The following PCDHA1 variants were observed in gnomAD, a reference collection of about 807,000 sequenced individuals.
PCDHA1 encodes the protein protocadherin alpha 1, also known as protocadherin alpha-1.
PCDHA1 carries 42 observed loss-of-function variants against 61.3 expected under a neutral mutation model. The observed-to-expected ratio is 0.69, with a 90% CI of 0.54 to 0.89. The LOEUF is 0.89. Ranked by LOEUF, PCDHA1 falls within the 40% of genes least tolerant of loss-of-function variation. The probability of loss-of-function intolerance (pLI) is 0.00; values close to 1 mark genes in which losing one functional copy is unlikely to be tolerated. For missense variants in PCDHA1, 1,256 were observed against 1,235.3 expected (o/e 1.02, Z -0.25); for synonymous variants, 610 against 553.8 (o/e 1.10, Z -1.43).
rs2045560608 is a variant in PCDHA1 at position 140,858,685 on chromosome 5, T to G, written c.2394+70001T>G. The G allele has an allele frequency of 1.3e-5, 8 of 595,874 alleles. No homozygotes were observed. The South Asian group carries it at 1.9e-4, about 14-fold the overall frequency. 36.9% of individuals were successfully genotyped at this position (595,874 alleles called of 1,614,324 possible). On this transcript the variant is annotated intron_variant, in intron 1 of 3. Transcript: ENST00000504120. ...TAACAATTTATTCTGAATACACTAA[T>G]ATTTTCCAATACAAATATGTGATAT... is the stretch of plus-strand genomic sequence containing the variant.
At chr5:140,841,238 G>A in intron 1 of PCDHA1, 8 of 1,482,530 alleles carry the variant, frequency 5.4e-6, no homozygotes, top group Non-Finnish European at 7.2e-6. Flanking sequence ...GAGATGCAGC[G>A]GAATTGGATT....
rs782747774 is a variant in PCDHA1, at chr5:140,788,332, G to A, written c.2042G>A (p.Arg681Gln). 3 of 1,613,934 alleles carry A rather than the reference G, an allele frequency of 1.9e-6. No homozygotes were observed. The highest frequency in any genetic ancestry group is 2.5e-6 in the Non-Finnish European group (3 of 1,179,940). The change falls in exon 1 of 4, where the codon CGG becomes CAG. Residue 681 changes from arginine (R) to glutamine (Q), a missense_variant. Coordinates refer to ENST00000504120, the MANE Select transcript of PCDHA1 (RefSeq NM_018900.4). Reference protein sequence around the residue: ...ESGQAPKASSRASVGVAGPEA... With the variant: ...ESGQAPKASSQASVGVAGPEA... ...GGCCAGGCGCCAAAGGCGTCTTCGC[G>A]GGCGTCGGTGGGTGTCGCGGGCCCA...
intron 1 of PCDHA1, among the ~76,000 whole-genome samples, chr5:140,800,139 T>C (rs1762512877): frequency 1.3e-5 from 2 of 152,168 alleles, no homozygotes; most frequent in Admixed American, 1.3e-4. Flanking sequence ...GTTAACATTT[T>C]AGTATATACA....
In PCDHA1 at chr5:140,787,228, C is replaced by CA. The variant is rs1475562745; in HGVS notation, c.942dup (p.Ser315IlefsTer10). 1 of 1,614,010 alleles carries CA rather than the reference C, an allele frequency of 6.2e-7. No individual in the cohort carries two copies. The highest frequency in any genetic ancestry group is 8.5e-7 in the Non-Finnish European group (1 of 1,180,024). Reference sequence around the variant, plus strand: ...ATTGATAAACTGGATTATGAAGAAACAAAATCCTACGAAATTCAAGTAAAG... The same window carrying CA: ...ATTGATAAACTGGATTATGAAGAAACAAAAATCCTACGAAATTCAAGTAAAG... On this transcript the variant is annotated frameshift_variant, in exon 1 of 4. Coordinates refer to ENST00000504120, the MANE Select transcript of PCDHA1 (RefSeq NM_018900.4). LOFTEE classifies it high-confidence loss of function.
intron 1 of PCDHA1, among the ~76,000 whole-genome samples, chr5:140,923,219 C>T (rs557006469): frequency 1.3e-5 from 2 of 152,094 alleles, no homozygotes; most frequent in East Asian, 1.9e-4. Context: ...GTGAAAGGAT[C>T]GTTTGAGCCC....
intron 1 of PCDHA1, chr5:140,837,006 G>A (rs1774868844): frequency 3.1e-6 from 1 of 317,894 alleles, no homozygotes; most frequent in African/African-American, 2.2e-5. Context: ...TGGAGCAATG[G>A]ATTCACCTTT....
At chr5:140,801,052 C>G in intron 1 of PCDHA1, 1 of 1,440,518 alleles carries the variant, frequency 6.9e-7, no homozygotes, top group Admixed American at 2.8e-5. Flanking sequence ...GAAATAACAG[C>G]GTGCATTACG....
At chr5:140,853,282 C>T in intron 1 of PCDHA1, 5 of 980,348 alleles carry the variant, frequency 5.1e-6, no homozygotes, top group Non-Finnish European at 6.1e-6. Flanking sequence ...TCATCATATG[C>T]AAATTCTCAG....
chr5:140,813,422 G>GTACTGAA (rs1317983583), intron 1 of PCDHA1: 2 of 152,166 alleles, frequency 1.3e-5, no homozygotes, highest in African/African-American at 4.8e-5. Flanking sequence ...TATGTTAACT[G>GTACTGAA]TACTGAATAC....
chr5:140,810,043 C>G (rs1483252615), intron 1 of PCDHA1: 1 of 154,640 alleles, frequency 6.5e-6, no homozygotes, highest in Non-Finnish European at 1.4e-5. Context: ...CCTTTTATAA[C>G]TGTTTGTTCG....
chr5:140,821,771 T>C (rs2150110539), intron 1 of PCDHA1: 390 of 1,602,920 alleles, frequency 2.4e-4, no homozygotes, highest in Non-Finnish European at 3.2e-4. Flanking sequence ...TGGAACGAGA[T>C]TGAGATGGTA....
chr5:140,893,111 T>G (rs2063826181), intron 1 of PCDHA1, among the ~76,000 whole-genome samples: 1 of 152,236 alleles, frequency 6.6e-6, no homozygotes, highest in Non-Finnish European at 1.5e-5. Flanking sequence ...TATTCCGTTG[T>G]GCATATACAC....
intron 1 of PCDHA1, among the ~76,000 whole-genome samples, chr5:140,919,753 T>C (rs1386045187): frequency 6.6e-6 from 1 of 152,212 alleles, no homozygotes; most frequent in Non-Finnish European, 1.5e-5. Flanking sequence ...ATTTCTCTTC[T>C]GCCTTTTGTA....
intron 1 of PCDHA1, chr5:140,858,303 G>A: frequency 6.3e-7 from 1 of 1,597,370 alleles, no homozygotes; most frequent in South Asian, 1.1e-5. Context: ...TCGCAGCAGA[G>A]GCGGCAGAGG....
At chr5:140,991,988 C>T (rs1167776981) in intron 3 of PCDHA1, among the ~76,000 whole-genome samples, 1 of 151,478 alleles carries the variant, frequency 6.6e-6, no homozygotes, top group Non-Finnish European at 1.5e-5. Flanking sequence ...GCCTACCACC[C>T]GGTCTTTCAT....
chr5:140,791,322 A>G (rs1172223354), intron 1 of PCDHA1, among the ~76,000 whole-genome samples: 4 of 152,342 alleles, frequency 2.6e-5, no homozygotes, highest in African/African-American at 7.2e-5. Context: ...CTCTTCTGCT[A>G]TCTTTTCCTG....
At chr5:140,959,567 T>A (rs2095496193) in intron 1 of PCDHA1, among the ~76,000 whole-genome samples, 1 of 152,208 alleles carries the variant, frequency 6.6e-6, no homozygotes, top group Non-Finnish European at 1.5e-5. Context: ...AGTACTAGAT[T>A]TTTTGTTTCA....
rs782525355 is a variant in PCDHA1 at position 140,786,737 on chromosome 5, T to C, written c.447T>C (p.Asn149=). 9 of 1,614,228 alleles carry C rather than the reference T, an allele frequency of 5.6e-6. No homozygotes were observed. Among genetic ancestry groups the C allele is most frequent in the Non-Finnish European group, 6.8e-6 (8 of 1,180,040 alleles). ...TTATTCCTGAATCTAGACTCCTGAA[T>C]TCGCGTTTTCCGATAGAAGGAGCTG... ...IIFIPESRLL[N]SRFPIEGAAD... Residue 149 remains asparagine (N), a synonymous_variant, in exon 1 of 4, where the codon AAT becomes AAC. Transcript: ENST00000504120.
intron 3 of PCDHA1, among the ~76,000 whole-genome samples, chr5:140,997,376 C>T (rs1554255857): frequency 2.6e-5 from 4 of 152,144 alleles, no homozygotes. Flanking sequence ...GATGATATAG[C>T]ATACTACACA....
Sources: allele counts gnomAD v4.1 joint callset (sites outside exome capture counted in the v4.1 genomes callset), GRCh38; gene constraint gnomAD v4.1.1; transcripts MANE v1.5; gene names NCBI Gene and HGNC (gene_info 2026-07-23, HGNC 2026-07-21).